Variants in PTBP3 observed in about 807,000 individuals in gnomAD.
PTBP3 encodes polypyrimidine tract-binding protein 3.
A neutral mutation model predicts 58.7 loss-of-function variants in PTBP3; 20 were observed. The observed-to-expected ratio is 0.34, with a 90% CI of 0.24 to 0.50. The LOEUF is 0.50. Ranked by LOEUF, PTBP3 falls within the 20% of genes least tolerant of loss-of-function variation. The pLI is 0.98. For synonymous variants in PTBP3, 185 were observed against 219.8 expected (o/e 0.84, Z 1.40); for missense variants, 509 against 637.2 (o/e 0.80, Z 2.17).
intron 1 of PTBP3, among the ~76,000 whole-genome samples, chr9:112,300,715 G>A (rs1313843451): frequency 6.6e-6 from 1 of 151,988 alleles, no homozygotes; most frequent in Non-Finnish European, 1.5e-5. Context: ...TCACGCCACT[G>A]CACTCCAGCC....
intron 7 of PTBP3, 38 bp downstream of exon 7, chr9:112,250,891 A>T: frequency 6.8e-7 from 1 of 1,462,342 alleles, no homozygotes; most frequent in Non-Finnish European, 9.1e-7. Context: ...TTGTAACTTC[A>T]GAAAACTTGC....
chr9:112,283,131 C>G (rs1827950856), intron 2 of PTBP3, among the ~76,000 whole-genome samples: 1 of 152,196 alleles, frequency 6.6e-6, no homozygotes, highest in South Asian at 2.1e-4. Context: ...ATTATCCAGT[C>G]TCAGCAGCTC....
the PTBP3 span, among the ~76,000 whole-genome samples, chr9:112,357,320 G>C: frequency 1.3e-5 from 2 of 152,040 alleles, no homozygotes; most frequent in East Asian, 3.9e-4. Context: ...ATTTCCAGTA[G>C]TGTTCTTTTT....
chr9:112,352,632 T>G, the PTBP3 span, among the ~76,000 whole-genome samples: 10 of 152,354 alleles, frequency 6.6e-5, no homozygotes, highest in Admixed American at 4.6e-4. Context: ...TTCTTCACAT[T>G]TCAAATTGCT....
chr9:112,342,849 T>C, the PTBP3 span, among the ~76,000 whole-genome samples: 1 of 145,276 alleles, frequency 6.9e-6, no homozygotes, highest in Admixed American at 7.1e-5. Context: ...AACAATGACA[T>C]CACAGTAACT....
chr9:112,298,685 C>T (rs1828795411), intron 1 of PTBP3: 2 of 341,026 alleles, frequency 5.9e-6, no homozygotes, highest in East Asian at 7.9e-5. Context: ...AAAATTAATC[C>T]CCAAACAATC....
chr9:112,265,502 A>G (rs542301256), intron 4 of PTBP3, among the ~76,000 whole-genome samples: 64 of 152,248 alleles, frequency 4.2e-4, no homozygotes, highest in Admixed American at 1.3e-3. Flanking sequence ...CATCCTGGAC[A>G]AAGAGCAAAA....
intron 1 of PTBP3, among the ~76,000 whole-genome samples, chr9:112,315,291 A>G (rs1829656859): frequency 6.6e-6 from 1 of 151,958 alleles, no homozygotes; most frequent in Admixed American, 6.5e-5. Flanking sequence ...TCAAAGTAGT[A>G]AGCTTTAAAA....
intron 2 of PTBP3, among the ~76,000 whole-genome samples, chr9:112,287,569 G>A (rs1589869458): frequency 6.6e-6 from 1 of 151,782 alleles, no homozygotes. Flanking sequence ...TCAAACTCCT[G>A]ACCTCAGGTG....
chr9:112,318,984 G>A (rs1177743064), intron 1 of PTBP3, among the ~76,000 whole-genome samples: 1 of 151,620 alleles, frequency 6.6e-6, no homozygotes, highest in Non-Finnish European at 1.5e-5. Flanking sequence ...AAAATTAGCT[G>A]GGTGTGGTGA....
At chr9:112,274,416 T>C (rs573961058) in intron 3 of PTBP3, among the ~76,000 whole-genome samples, 1 of 152,322 alleles carries the variant, frequency 6.6e-6, no homozygotes, top group South Asian at 2.1e-4. Context: ...TTTGTTGTCC[T>C]CTTCTTTACA....
chr9:112,300,596 C>CA (rs1465024907), intron 1 of PTBP3, among the ~76,000 whole-genome samples: 1 of 151,682 alleles, frequency 6.6e-6, no homozygotes, highest in Non-Finnish European at 1.5e-5. Context: ...ACTAAAAATA[C>CA]AAAAAATCAG....
intron 3 of PTBP3, among the ~76,000 whole-genome samples, chr9:112,273,854 A>G (rs961474858): frequency 1.2e-4 from 19 of 152,224 alleles, no homozygotes; most frequent in Non-Finnish European, 4.4e-5. Context: ...TGCATTTACT[A>G]AAAAGATATT....
chr9:112,282,363 C>A (rs184817236), intron 2 of PTBP3, among the ~76,000 whole-genome samples: 9 of 152,210 alleles, frequency 5.9e-5, no homozygotes. Context: ...TTTTCTGTCA[C>A]TGACTTTTGC....
At chr9:112,332,142 C>T (rs1277346011) in intron 1 of PTBP3, among the ~76,000 whole-genome samples, 1 of 152,104 alleles carries the variant, frequency 6.6e-6, no homozygotes, top group African/African-American at 2.4e-5. Context: ...AATTCCCCCC[C>T]AAAATATATA....
At chr9:112,302,125 T>C (rs1007451956) in intron 1 of PTBP3, among the ~76,000 whole-genome samples, 4 of 151,974 alleles carry the variant, frequency 2.6e-5, no homozygotes, top group African/African-American at 9.7e-5. Flanking sequence ...AAAGGAACAT[T>C]ACAAAACGCA....
At chr9:112,298,513 C>A (rs749104981) in intron 1 of PTBP3, 10 of 500,194 alleles carry the variant, frequency 2.0e-5, no homozygotes, top group African/African-American at 3.9e-5. Context: ...TCAGAGAAGT[C>A]TTTTCATTGT....
chr9:112,309,411 T>C (rs1453396303), intron 1 of PTBP3, among the ~76,000 whole-genome samples: 2 of 152,184 alleles, frequency 1.3e-5, no homozygotes, highest in Non-Finnish European at 1.5e-5. Context: ...GTCTCCTGAT[T>C]ACTTACCTTT....
intron 12 of PTBP3, 126 bp from the exon 13 acceptor site, chr9:112,224,336 T>C (rs1405236847): frequency 3.6e-6 from 2 of 560,672 alleles, no homozygotes; most frequent in Admixed American, 3.7e-5. Context: ...TGACAAAGAC[T>C]TGATTTGGAA....
Sources: allele counts gnomAD v4.1 joint callset (sites outside exome capture counted in the v4.1 genomes callset), GRCh38; gene constraint gnomAD v4.1.1; transcripts MANE v1.5; gene names NCBI Gene and HGNC (gene_info 2026-07-23, HGNC 2026-07-21).